Variants in UNC80 observed in about 807,000 individuals in gnomAD.
The protein encoded by UNC80 is protein unc-80 homolog.
UNC80 carries 164 observed loss-of-function variants against 384.6 expected under a neutral mutation model. The observed-to-expected ratio is 0.43, with a 90% CI of 0.38 to 0.49. The LOEUF (loss-of-function observed/expected upper bound fraction) is 0.49, where lower values mean the gene tolerates loss of function less well. Among genes scored for constraint, UNC80 ranks in the 20% least tolerant of loss-of-function variants. The probability of loss-of-function intolerance (pLI) is 0.00; values close to 1 mark genes in which losing one functional copy is unlikely to be tolerated. For missense variants in UNC80, 3,330 were observed against 4,143.0 expected (o/e 0.80, Z 5.39); for synonymous variants, 1,486 against 1,527.8 (o/e 0.97, Z 0.64).
At chr2:209,772,729 CAGATA>C (rs2076647798) in intron 1 of UNC80, among the ~76,000 whole-genome samples, 1 of 152,084 alleles carries the variant, frequency 6.6e-6, no homozygotes, top group Admixed American at 6.6e-5. Flanking sequence ...AGAGATTTAT[CAGATA>C]AGATATTAGA....
chr2:209,874,636 CTCCT>C (rs1421322898), intron 23 of UNC80, among the ~76,000 whole-genome samples: 1 of 152,164 alleles, frequency 6.6e-6, no homozygotes, highest in East Asian at 1.9e-4. Context: ...GGTCCTCTGT[CTCCT>C]CCCTCGTCAT....
intron 7 of UNC80, among the ~76,000 whole-genome samples, chr2:209,797,876 A>G (rs2078268437): frequency 6.6e-6 from 1 of 152,142 alleles, no homozygotes; most frequent in Admixed American, 6.5e-5. Flanking sequence ...ATGGTATCTC[A>G]TTGTGGTTTT....
At position 209,834,290 on chromosome 2, in the gene UNC80, C is replaced by T. The variant is rs77072563; in HGVS notation, c.2942+122C>T. The T allele has an allele frequency of 2.9e-3, 3,195 of 1,110,668 alleles. 66 individuals carry two copies. The African/African-American group carries it at 0.041, about 14-fold the overall frequency. 68.8% of individuals were successfully genotyped at this position (1,110,668 alleles called of 1,614,324 possible). A position where few individuals can be genotyped will look rare whatever the true frequency, so the allele number is the denominator to read the frequency against. ...GCATAGGAATGGTAAAATTATCTTG[C>T]GTAAGTGGTTTCACTGGTGTGGTGT... On this transcript the variant is annotated intron_variant, in intron 17 of 64. Transcript: ENST00000673920.
intron 7 of UNC80, among the ~76,000 whole-genome samples, chr2:209,803,250 G>A (rs1415384224): frequency 3.9e-5 from 6 of 152,276 alleles, no homozygotes; most frequent in East Asian, 1.9e-4. Flanking sequence ...TGGGAATCAA[G>A]GGCGTTTCTC....
chr2:209,930,287 CA>C (rs965837543), intron 37 of UNC80, among the ~76,000 whole-genome samples: 7 of 151,998 alleles, frequency 4.6e-5, no homozygotes, highest in African/African-American at 1.7e-4. Context: ...CAGTCTGATG[CA>C]GGTATGATTA....
At chr2:209,926,780 C>T (rs1274722387) in intron 35 of UNC80, 63 bp from the exon 36 acceptor site, 11 of 1,535,202 alleles carry the variant, frequency 7.2e-6, no homozygotes, top group Non-Finnish European at 9.7e-6. Flanking sequence ...TATCTCAAAA[C>T]AACAGTAGCA....
intron 48 of UNC80, among the ~76,000 whole-genome samples, chr2:209,956,670 A>G (rs953254024): frequency 6.6e-6 from 1 of 152,184 alleles, no homozygotes; most frequent in African/African-American, 2.4e-5. Context: ...GCGCACCAGC[A>G]TAGCATCTTG....
intron 39 of UNC80, among the ~76,000 whole-genome samples, chr2:209,935,260 A>T (rs1274138660): frequency 6.6e-6 from 1 of 152,210 alleles, no homozygotes; most frequent in Non-Finnish European, 1.5e-5. Context: ...ATAAAAAATC[A>T]TAACACCCAC....
chr2:209,992,952 T>G (rs777440674), intron 62 of UNC80, among the ~76,000 whole-genome samples: 4 of 152,188 alleles, frequency 2.6e-5, no homozygotes, highest in Non-Finnish European at 5.9e-5. Context: ...GCATCTGAGG[T>G]TTTGAAAATA....
chr2:209,984,091 A>G (rs1332653878), intron 60 of UNC80, among the ~76,000 whole-genome samples: 1 of 152,208 alleles, frequency 6.6e-6, no homozygotes, highest in Admixed American at 6.5e-5. Context: ...CACTGAAGGA[A>G]GGACAGATAA....
intron 31 of UNC80, among the ~76,000 whole-genome samples, chr2:209,914,912 G>A (rs2089350403): frequency 1.3e-5 from 2 of 152,004 alleles, no homozygotes; most frequent in Admixed American, 1.3e-4. Flanking sequence ...ATCTATTGAT[G>A]AAAATTTAGG....
chr2:209,921,167 A>G (rs546919455), intron 33 of UNC80, among the ~76,000 whole-genome samples: 1 of 152,326 alleles, frequency 6.6e-6, no homozygotes, highest in African/African-American at 2.4e-5. Flanking sequence ...AAAACATTCT[A>G]GAAAGAAATA....
At chr2:209,971,857 G>A (rs534925954) in intron 54 of UNC80, among the ~76,000 whole-genome samples, 7 of 152,328 alleles carry the variant, frequency 4.6e-5, no homozygotes, top group African/African-American at 1.7e-4. Flanking sequence ...GAGAAGTTCT[G>A]ATTTTCTTCC....
Position 209,872,864 on chromosome 2 carries a change from A to G in UNC80, c.3734A>G (p.Asn1245Ser), listed in dbSNP as rs1257304211. 1 of 1,551,496 alleles carries G rather than the reference A, an allele frequency of 6.4e-7. No homozygotes were observed. The highest frequency in any genetic ancestry group is 2.0e-5 in the Admixed American group (1 of 50,994). ...GAGTGGATGAAAGGGCACCACGTGA[A>G]CATCACCAAGAAAGGACTTTCCCGG... Reference protein sequence around the residue: ...WPEWMKGHHVNITKKGLSRGR... With the variant: ...WPEWMKGHHVSITKKGLSRGR... Residue 1245 changes from asparagine to serine, a missense_variant, in exon 23 of 65, where the codon AAC (asparagine) becomes AGC (serine). Transcript: ENST00000673920. This position sits in a 1 kb window ranked among gnomAD's most constrained non-coding sequence, Gnocchi z 4.1.
At chr2:209,875,933 T>A (rs2124887755) in intron 23 of UNC80, among the ~76,000 whole-genome samples, 1 of 152,248 alleles carries the variant, frequency 6.6e-6, no homozygotes. Flanking sequence ...GATGAATTAA[T>A]TTTATAGCAG....
At chr2:209,826,118 C>T (rs2080500087) in intron 14 of UNC80, 65 bp downstream of exon 14, 1 of 1,437,536 alleles carries the variant, frequency 7.0e-7, no homozygotes, top group Non-Finnish European at 9.2e-7. Flanking sequence ...AAGAATGAGT[C>T]CTTTGACAAT....
chr2:209,968,257 A>G (rs73003397), intron 52 of UNC80: 14,156 of 152,214 alleles, frequency 0.093, 926 homozygotes, highest in Middle Eastern at 0.2. Context: ...CTACTTAGAG[A>G]TGTGAGCCGA....
At position 209,976,267 on chromosome 2, in the gene UNC80, C is replaced by A; in HGVS notation, c.8736C>A (p.Pro2912=). 6.4e-7 allele frequency: 1 copy of A among 1,551,792 alleles called. No homozygotes were observed. The highest frequency in any genetic ancestry group is 1.2e-5 in the South Asian group (1 of 84,060). The change falls in exon 57 of 65, where the codon CCC becomes CCA. Residue 2912 remains proline (P), a synonymous_variant. Transcript: ENST00000673920. This position sits in a 1 kb window ranked among gnomAD's most constrained non-coding sequence, Gnocchi z 4.3. ...ACTTCATCGTGCGGACCCGAATACC[C>A]ATCTTTGTGCTTTTGCGCCCTTTCA... ...FLDFIVRTRI[P]IFVLLRPFIQ...
At position 209,832,129 on chromosome 2, in the gene UNC80, T is replaced by G. The variant is rs1029418848; in HGVS notation, c.2775+538T>G. On this transcript the variant is annotated intron_variant, in intron 16 of 64. Coordinates refer to ENST00000673920, the MANE Select transcript of UNC80 (RefSeq NM_001371986.1). Reference sequence around the variant, plus strand: ...AGGCTAGTGCTAAAGGCATTAAGAATGACACAGTAGACTTTGAGGACTCAG... The same window carrying G: ...AGGCTAGTGCTAAAGGCATTAAGAAGGACACAGTAGACTTTGAGGACTCAG... Among the ~76,000 whole-genome samples, 7 of 152,088 alleles carry G rather than the reference T, an allele frequency of 4.6e-5. No homozygotes were observed. In the South Asian group the frequency reaches 1.5e-3, roughly 32 times the overall value.
Sources: gnomAD v4.1 joint callset for allele counts (sites outside exome capture counted in the v4.1 genomes callset) on GRCh38, gnomAD v4.1.1 for gene constraint, Gnocchi (gnomAD v3.1) non-coding constraint, MANE v1.5 for transcripts, NCBI Gene and HGNC (gene_info 2026-07-23, HGNC 2026-07-21) for gene names.